The following MAF variants were observed in gnomAD, a reference collection of about 807,000 sequenced individuals.
The protein encoded by MAF is transcription factor Maf.
MAF carries 10 observed loss-of-function variants against 22.0 expected under a neutral mutation model. The observed-to-expected ratio is 0.45, with a 90% confidence interval of 0.28 to 0.77. MAF has a LOEUF of 0.77. Ranked by LOEUF, MAF falls within the 30% of genes least tolerant of loss-of-function variation. The pLI is 0.12. For missense variants in MAF, 544 were observed against 548.4 expected (o/e 0.99, Z 0.08); for synonymous variants, 337 against 255.8 (o/e 1.32, Z -3.03).
the MAF span, among the ~76,000 whole-genome samples, chr16:79,276,272 C>T: frequency 6.6e-6 from 1 of 152,170 alleles, no homozygotes; most frequent in Non-Finnish European, 1.5e-5. Context: ...ATGTAGCAGG[C>T]CCCTGACCCT....
chr16:79,278,542 C>G, the MAF span, among the ~76,000 whole-genome samples: 3 of 152,184 alleles, frequency 2.0e-5, no homozygotes, highest in Admixed American at 6.5e-5. Flanking sequence ...AACGAAGAGG[C>G]CCTTGACTTT....
chr16:79,211,034 A>AGTGT, the MAF span, among the ~76,000 whole-genome samples: 2,251 of 149,696 alleles, frequency 0.015, 25 homozygotes, highest in African/African-American at 0.035. Flanking sequence ...TATGGTGAGG[A>AGTGT]GTGTGTGTGT....
At chr16:79,222,196 G>A in the MAF span, among the ~76,000 whole-genome samples, 1 of 152,120 alleles carries the variant, frequency 6.6e-6, no homozygotes, top group Non-Finnish European at 1.5e-5. Context: ...CATTATTAAA[G>A]AAAAGAATTT....
At chr16:79,250,400 C>G in the MAF span, among the ~76,000 whole-genome samples, 1 of 152,226 alleles carries the variant, frequency 6.6e-6, no homozygotes, top group Non-Finnish European at 1.5e-5. Context: ...CTCCAATTCC[C>G]AAAGAGACTG....
At chr16:79,578,930 T>G in the MAF span, among the ~76,000 whole-genome samples, 2 of 152,052 alleles carry the variant, frequency 1.3e-5, no homozygotes, top group Non-Finnish European at 2.9e-5. Flanking sequence ...CCTAGTAAAA[T>G]TATTTATCAA....
the MAF span, among the ~76,000 whole-genome samples, chr16:79,478,142 T>C: frequency 6.6e-6 from 1 of 152,164 alleles, no homozygotes; most frequent in South Asian, 2.1e-4. Context: ...GTAGTGAAAC[T>C]CAAATGTCAA....
the MAF span, among the ~76,000 whole-genome samples, chr16:79,233,532 C>A: frequency 0.78 from 118,265 of 151,972 alleles, 47,092 homozygotes; most frequent in Non-Finnish European, 0.84. Context: ...CTAAGCATCA[C>A]TGGCTAATCA....
At chr16:79,335,982 C>T in the MAF span, among the ~76,000 whole-genome samples, 1 of 152,158 alleles carries the variant, frequency 6.6e-6, no homozygotes, top group South Asian at 2.1e-4. Context: ...AGCCCAGCTT[C>T]TGGGGATGTG....
Position 79,594,483 on chromosome 16 carries a change from G to A in MAF, c.1189C>T (p.Leu397Phe). Residue 397 changes from leucine (L) to phenylalanine (F), a missense_variant, in exon 2 of 2, where the codon CTT becomes TTT. Coordinates refer to ENST00000326043, the MANE Select transcript of MAF (RefSeq NM_005360.5). ...ATFWKPQHRVLTSVFTK is the reference protein window; with the variant it reads ...ATFWKPQHRVFTSVFTK ...TTTCATTTTGTGAACACACTGGTAAGTACACGATGCTGGGGCTTCCAAAAT... is the reference window on the plus strand; with the variant it reads ...TTTCATTTTGTGAACACACTGGTAAATACACGATGCTGGGGCTTCCAAAAT... 1 of 1,563,486 alleles carries A rather than the reference G, an allele frequency of 6.4e-7. No individual in the cohort carries two copies. The highest frequency in any genetic ancestry group is 8.7e-7 in the Non-Finnish European group (1 of 1,151,408).
the MAF span, among the ~76,000 whole-genome samples, chr16:79,548,656 G>C: frequency 6.6e-6 from 1 of 152,172 alleles, no homozygotes; most frequent in Non-Finnish European, 1.5e-5. Flanking sequence ...GATCCATGGA[G>C]CTCTGTTCCT....
At chr16:79,518,948 T>C in the MAF span, among the ~76,000 whole-genome samples, 1 of 151,998 alleles carries the variant, frequency 6.6e-6, no homozygotes. Flanking sequence ...AATAAGTAAA[T>C]AAGCTTTATA....
chr16:79,222,623 A>C, the MAF span, among the ~76,000 whole-genome samples: 1 of 152,238 alleles, frequency 6.6e-6, no homozygotes. Context: ...TGCTGTATTC[A>C]GGAAACCCAT....
chr16:79,546,024 A>G, the MAF span, among the ~76,000 whole-genome samples: 1 of 152,110 alleles, frequency 6.6e-6, no homozygotes, highest in Non-Finnish European at 1.5e-5. Context: ...ATAAATATAT[A>G]CATTTTTGTC....
the MAF span, among the ~76,000 whole-genome samples, chr16:79,411,045 C>T: frequency 2.6e-5 from 4 of 152,208 alleles, no homozygotes. Flanking sequence ...CCAAGACCAG[C>T]CTGAGTACTG....
the MAF span, among the ~76,000 whole-genome samples, chr16:79,527,123 T>C: frequency 6.6e-6 from 1 of 152,200 alleles, no homozygotes; most frequent in Non-Finnish European, 1.5e-5. Context: ...TGTGTGTCAT[T>C]TGTGGTTTAG....
the MAF span, among the ~76,000 whole-genome samples, chr16:79,547,849 G>A: frequency 7.1e-3 from 1,080 of 151,448 alleles, 4 homozygotes; most frequent in Middle Eastern, 0.024. Context: ...CACTGCTTTC[G>A]TCTGCAAACT....
chr16:79,231,897 C>T, the MAF span, among the ~76,000 whole-genome samples: 1 of 152,026 alleles, frequency 6.6e-6, no homozygotes, highest in African/African-American at 2.4e-5. Context: ...TTTCCTGCAA[C>T]TAGACGGTCC....
At chr16:79,213,751 C>T in the MAF span, among the ~76,000 whole-genome samples, 2 of 152,092 alleles carry the variant, frequency 1.3e-5, no homozygotes, top group Non-Finnish European at 2.9e-5. Flanking sequence ...TGTGCCAATT[C>T]AGAGGAGAAG....
the MAF span, among the ~76,000 whole-genome samples, chr16:79,320,656 C>A: frequency 2.1e-3 from 325 of 152,280 alleles, 1 homozygote; most frequent in African/African-American, 7.3e-3. Context: ...AATGAATGTG[C>A]CTCCAGCTTC....
Sources: allele counts gnomAD v4.1 joint callset (sites outside exome capture counted in the v4.1 genomes callset), GRCh38; gene constraint gnomAD v4.1.1; transcripts MANE v1.5; gene names NCBI Gene and HGNC (gene_info 2026-07-23, HGNC 2026-07-21).